The following CACHD1 variants were observed in gnomAD, a reference collection of about 807,000 sequenced individuals.
CACHD1 encodes VWFA and cache domain-containing protein 1.
A neutral mutation model predicts 138.7 loss-of-function variants in CACHD1; 71 were observed. That is an observed-to-expected ratio of 0.51 (90% CI 0.42 to 0.62). The LOEUF is 0.62. Among genes scored for constraint, CACHD1 ranks in the 20% least tolerant of loss-of-function variants. The probability of loss-of-function intolerance (pLI) is 0.00; values close to 1 mark genes in which losing one functional copy is unlikely to be tolerated. For missense variants in CACHD1, 1,389 were observed against 1,625.3 expected, an observed-to-expected ratio of 0.85 and a Z score of 2.50; for synonymous variants, 578 against 591.5, an observed-to-expected ratio of 0.98 and a Z score of 0.33.
intron 1 of CACHD1, among the ~76,000 whole-genome samples, chr1:64,477,066 A>G (rs968205331): frequency 7.2e-5 from 11 of 152,238 alleles, no homozygotes; most frequent in African/African-American, 2.7e-4. Flanking sequence ...AACTTCTGTC[A>G]TGTTATTAAA....
At chr1:64,671,339 C>G (rs1649808960) in intron 16 of CACHD1, among the ~76,000 whole-genome samples, 1 of 152,074 alleles carries the variant, frequency 6.6e-6, no homozygotes. Context: ...TTTTGGGCCA[C>G]TCTTATTTAT....
intron 2 of CACHD1, among the ~76,000 whole-genome samples, chr1:64,561,376 A>G (rs1228797324): frequency 6.6e-6 from 1 of 152,210 alleles, no homozygotes; most frequent in Non-Finnish European, 1.5e-5. Flanking sequence ...CTAAATTGCC[A>G]TATTTAATGA....
At chr1:64,525,214 G>C (rs1360805371) in intron 1 of CACHD1, among the ~76,000 whole-genome samples, 2 of 152,042 alleles carry the variant, frequency 1.3e-5, no homozygotes, top group Non-Finnish European at 2.9e-5. Flanking sequence ...GAAAAGTTTG[G>C]TATTAGGTAT....
chr1:64,521,936 G>T (rs1189200691), intron 1 of CACHD1, among the ~76,000 whole-genome samples: 1 of 151,592 alleles, frequency 6.6e-6, no homozygotes, highest in Non-Finnish European at 1.5e-5. Context: ...ATTTCTTGAT[G>T]GCATCCTTTG....
At chr1:64,524,552 T>C (rs1004260340) in intron 1 of CACHD1, among the ~76,000 whole-genome samples, 4 of 152,214 alleles carry the variant, frequency 2.6e-5, no homozygotes, top group African/African-American at 9.6e-5. Context: ...AGCACTTAAC[T>C]GTATAAAAAT....
chr1:64,665,603 A>G (rs910520473), intron 15 of CACHD1, among the ~76,000 whole-genome samples: 4 of 152,246 alleles, frequency 2.6e-5, no homozygotes, highest in African/African-American at 9.6e-5. Flanking sequence ...ACAGTCAGAT[A>G]CAAAAGATGA....
At chr1:64,570,324 A>G (rs1438024092) in intron 2 of CACHD1, among the ~76,000 whole-genome samples, 4 of 152,212 alleles carry the variant, frequency 2.6e-5, no homozygotes, top group African/African-American at 4.8e-5. Context: ...CAAGAACTAT[A>G]GCTTTATTTT....
chr1:64,642,858 G>T (rs1375732937), intron 8 of CACHD1, among the ~76,000 whole-genome samples: 1 of 151,048 alleles, frequency 6.6e-6, no homozygotes, highest in Non-Finnish European at 1.5e-5. Context: ...GGCCAACAAT[G>T]TGAAACCTCG....
chr1:64,549,889 C>T (rs538274762), intron 1 of CACHD1, among the ~76,000 whole-genome samples: 1 of 150,726 alleles, frequency 6.6e-6, no homozygotes, highest in African/African-American at 2.4e-5. Context: ...TACTCAGTAA[C>T]GGTACAGTTT....
chr1:64,556,114 A>G (rs1381582665), intron 2 of CACHD1, among the ~76,000 whole-genome samples: 1 of 152,158 alleles, frequency 6.6e-6, no homozygotes, highest in Non-Finnish European at 1.5e-5. Context: ...TGCTGTCATT[A>G]AAGTAAAAGG....
chr1:64,616,247 A>G (rs912379277), intron 4 of CACHD1, among the ~76,000 whole-genome samples: 2 of 152,188 alleles, frequency 1.3e-5, no homozygotes, highest in African/African-American at 2.4e-5. Context: ...GAGACCCAGA[A>G]TAAGTTCTGA....
At chr1:64,520,179 T>G (rs1646487951) in intron 1 of CACHD1, among the ~76,000 whole-genome samples, 1 of 152,224 alleles carries the variant, frequency 6.6e-6, no homozygotes, top group African/African-American at 2.4e-5. Context: ...CGGACTCATG[T>G]CCACTTAGGG....
In CACHD1 at chr1:64,613,113, A is replaced by G. The variant is rs1305008387; in HGVS notation, c.517+10201A>G. Reference sequence around the variant, plus strand: ...GGAAGTCACTGCAAATGTGGTAGAAATACCAGGAAAACTAGAATTAGAAGT... The same window carrying G: ...GGAAGTCACTGCAAATGTGGTAGAAGTACCAGGAAAACTAGAATTAGAAGT... On this transcript the variant is annotated intron_variant, in intron 4 of 26. Transcript: ENST00000651257. 2.0e-5 allele frequency among the ~76,000 whole-genome samples: 3 copies of G among 152,362 alleles called. No homozygotes were observed. In the East Asian group the frequency reaches 5.8e-4, roughly 29 times the overall value.
At position 64,532,146 on chromosome 1, in the gene CACHD1, A is replaced by G. The variant is rs191943256; in HGVS notation, c.199-18448A>G. Among the ~76,000 whole-genome samples, 531 of 152,360 alleles carry G rather than the reference A, an allele frequency of 3.5e-3. 1 individual carries two copies. The highest frequency in any genetic ancestry group is 0.012 in the African/African-American group (505 of 41,594). On this transcript the variant is annotated intron_variant, in intron 1 of 26. Transcript: ENST00000651257. ...GGGAGTCTTAATGATAAAACTTATCAGGGAAATTAGAGGCAAATTACATTC... is the reference window on the plus strand; with the variant it reads ...GGGAGTCTTAATGATAAAACTTATCGGGGAAATTAGAGGCAAATTACATTC...
In CACHD1 at chr1:64,658,742, T is replaced by C. The variant is rs761118038; in HGVS notation, c.1820T>C (p.Ile607Thr). 3.1e-6 allele frequency: 5 copies of C among 1,612,078 alleles called. No homozygotes were observed. The Admixed American group carries it at 6.7e-5, about 22-fold the overall frequency. The stretch of plus-strand genomic sequence containing the variant: ...TCCTTTATTCTGTGTATTGTGGTGA[T>C]ACAACCAGAAATACCTGTGAAACAA... Reference protein sequence around the residue: ...DTSFILCIVVIQPEIPVKQLK... With the variant: ...DTSFILCIVVTQPEIPVKQLK... Residue 607 changes from isoleucine to threonine, a missense_variant, in exon 13 of 27, where the codon ATA becomes ACA. Ile to Thr is a moderately conservative substitution (Grantham distance 89). Transcript: ENST00000651257.
chr1:64,648,833 G>C lies in CACHD1; in HGVS notation c.1390+799G>C, dbSNP rs535631996. ...AAAATACAACATTTTCCTCAAGGCAGTTGTGAAGATTAAATGCAATAATAA... is the reference window on the plus strand; with the variant it reads ...AAAATACAACATTTTCCTCAAGGCACTTGTGAAGATTAAATGCAATAATAA... On this transcript the variant is annotated intron_variant, in intron 9 of 26. Coordinates refer to ENST00000651257, the MANE Select transcript of CACHD1 (RefSeq NM_020925.4). Among the ~76,000 whole-genome samples, 8 of 152,240 alleles carry C rather than the reference G, an allele frequency of 5.3e-5. No individual in the cohort carries two copies. In the South Asian group the frequency reaches 1.5e-3, roughly 28 times the overall value.
intron 3 of CACHD1, 34 bp downstream of exon 3, chr1:64,582,338 C>G: frequency 6.3e-7 from 1 of 1,582,060 alleles, no homozygotes; most frequent in Non-Finnish European, 8.7e-7. Flanking sequence ...GTTGTATAAA[C>G]CAGACATTGA....
At chr1:64,552,809 T>C (rs1452448705) in intron 2 of CACHD1, among the ~76,000 whole-genome samples, 1 of 152,258 alleles carries the variant, frequency 6.6e-6, no homozygotes, top group Non-Finnish European at 1.5e-5. Context: ...TAACATAGTT[T>C]ATTTTTAAAA....
intron 1 of CACHD1, among the ~76,000 whole-genome samples, chr1:64,529,504 T>C (rs779874092): frequency 1.3e-5 from 2 of 152,248 alleles, no homozygotes; most frequent in African/African-American, 2.4e-5. Flanking sequence ...ATCATCATCT[T>C]CTTCTAGTCT....
Sources: gnomAD v4.1 joint callset for allele counts (sites outside exome capture counted in the v4.1 genomes callset) on GRCh38, gnomAD v4.1.1 for gene constraint, MANE v1.5 for transcripts, NCBI Gene and HGNC (gene_info 2026-07-23, HGNC 2026-07-21) for gene names.